The following MORC3 variants were observed in gnomAD, a reference collection of about 807,000 sequenced individuals.
MORC3 encodes MORC family CW-type zinc finger 3.
MORC3 carries 31 observed loss-of-function variants against 109.1 expected under a neutral mutation model. The ratio of observed to expected loss-of-function variants is 0.28; its 90% CI spans 0.21 to 0.38. The LOEUF is 0.38. Ranked by LOEUF, MORC3 falls within the 10% of genes least tolerant of loss-of-function variation. The probability of loss-of-function intolerance (pLI) is 1.00; values close to 1 mark genes in which losing one functional copy is unlikely to be tolerated. For synonymous variants in MORC3, 395 were observed against 380.7 expected (o/e 1.04, Z -0.44); for missense variants, 867 against 1,135.8 (o/e 0.76, Z 3.40).
intron 1 of MORC3, 142 bp from the exon 2 acceptor site, chr21:36,333,504 A>G: frequency 7.7e-6 from 5 of 650,986 alleles, no homozygotes; most frequent in Non-Finnish European, 1.1e-5. Context: ...TCTAGATTGT[A>G]TCTTCCAGAT....
At chr21:36,363,947 T>C (rs2085748398) in intron 13 of MORC3, 146 bp from the exon 14 acceptor site, 3 of 824,594 alleles carry the variant, frequency 3.6e-6, no homozygotes, top group Admixed American at 6.4e-5. Context: ...TACTTGTTGA[T>C]TCCTGGTATA....
chr21:36,362,025 G>T, intron 12 of MORC3, 158 bp from the exon 13 acceptor site: 2 of 787,802 alleles, frequency 2.5e-6, no homozygotes, highest in Non-Finnish European at 4.2e-6. Flanking sequence ...GGGTGCTACT[G>T]AGATAAAAGG....
At chr21:36,365,367 G>A (rs1486551507) in intron 14 of MORC3, among the ~76,000 whole-genome samples, 1 of 152,170 alleles carries the variant, frequency 6.6e-6, no homozygotes, top group African/African-American at 2.4e-5. Flanking sequence ...GTCTACAAAC[G>A]AGTGGATCAC....
chr21:36,322,717 C>T (rs2085207167), intron 1 of MORC3, among the ~76,000 whole-genome samples: 1 of 152,116 alleles, frequency 6.6e-6, no homozygotes, highest in African/African-American at 2.4e-5. Flanking sequence ...TCGGAGATCC[C>T]AGGATGAAAT....
chr21:36,336,613 G>A (rs562920868), intron 2 of MORC3, among the ~76,000 whole-genome samples: 35 of 152,260 alleles, frequency 2.3e-4, no homozygotes, highest in African/African-American at 8.2e-4. Context: ...GGTGTGCTGG[G>A]TACCAGTCTT....
chr21:36,348,857 A>C (rs1266020101), intron 8 of MORC3, among the ~76,000 whole-genome samples: 1 of 152,036 alleles, frequency 6.6e-6, no homozygotes, highest in Non-Finnish European at 1.5e-5. Flanking sequence ...TGTTTTTTTC[A>C]GTCTAAATTT....
At chr21:36,341,332 A>G in intron 5 of MORC3, 67 bp from the exon 6 acceptor site, 3 of 1,424,972 alleles carry the variant, frequency 2.1e-6, no homozygotes, top group South Asian at 1.3e-5. Flanking sequence ...TTAATGACTT[A>G]CAGTGTTTGC....
At chr21:36,332,764 G>C (rs2085330380) in intron 1 of MORC3, among the ~76,000 whole-genome samples, 1 of 145,902 alleles carries the variant, frequency 6.9e-6, no homozygotes, top group African/African-American at 2.5e-5. Flanking sequence ...GCCAAGTTTA[G>C]TTTAGTTTAA....
chr21:36,369,224 G>A lies in MORC3; in HGVS notation c.1856G>A (p.Cys619Tyr). 1 of 1,614,170 alleles carries A rather than the reference G, an allele frequency of 6.2e-7. No individual in the cohort carries two copies. The highest frequency in any genetic ancestry group is 8.5e-7 in the Non-Finnish European group (1 of 1,180,036). Residue 619 changes from cysteine to tyrosine, a missense_variant, in exon 15 of 17, where the codon TGT (cysteine) becomes TAT (tyrosine). Cys to Tyr is a radical substitution (Grantham distance 194, BLOSUM62 -2). Transcript: ENST00000400485. ...QVEFVGDSEP[C>Y]GQTGSTSTSS... ...GAGTTTGTGGGTGACAGTGAACCTTGTGGCCAGACTGGTTCAACAAGCACC... is the reference window on the plus strand; with the variant it reads ...GAGTTTGTGGGTGACAGTGAACCTTATGGCCAGACTGGTTCAACAAGCACC...
chr21:36,345,076 A>T, intron 8 of MORC3, 45 bp downstream of exon 8: 1 of 1,536,328 alleles, frequency 6.5e-7, no homozygotes. Context: ...TATTTTCCAC[A>T]AAAGTTAGGA....
intron 8 of MORC3, among the ~76,000 whole-genome samples, chr21:36,345,706 C>T (rs1290229322): frequency 6.6e-6 from 1 of 152,120 alleles, no homozygotes; most frequent in Non-Finnish European, 1.5e-5. Context: ...AAGCGTGTGC[C>T]ACCGCACTCG....
intron 1 of MORC3, among the ~76,000 whole-genome samples, chr21:36,320,841 C>G (rs1471509845): frequency 6.6e-6 from 1 of 152,226 alleles, no homozygotes; most frequent in Non-Finnish European, 1.5e-5. Flanking sequence ...GGCCCAGACC[C>G]TAGATCGCTG....
rs149626704 is a variant in MORC3 at position 36,326,780 on chromosome 21, T to C, written c.39+6477T>C. On this transcript the variant is annotated intron_variant, in intron 1 of 16. Transcript: ENST00000400485. ...TTCCTTGTTTGCTTAAGGTGAATAT[T>C]TTATTGTATGTCAGAAGACAACATT... Among the ~76,000 whole-genome samples the C allele has an allele frequency of 3.0e-3, 451 of 152,248 alleles. 3 individuals are homozygous for C. The highest frequency in any genetic ancestry group is 0.01 in the Middle Eastern group (3 of 294).
Position 36,341,401 on chromosome 21 carries a change from A to G in MORC3, c.611A>G (p.Tyr204Cys). 6.3e-7 allele frequency: 1 copy of G among 1,594,410 alleles called. No individual in the cohort carries two copies. The highest frequency in any genetic ancestry group is 2.2e-5 in the East Asian group (1 of 44,762). ...TRIIIWNLRS[Y>C]KNATEFDFEK... ...CTTTCTAAAAATTATTTTTACAGCT[A>G]CAAAAATGCAACAGAGTTCGATTTT... The change falls in exon 6 of 17, where the codon TAC (tyrosine) becomes TGC (cysteine). Residue 204 changes from tyrosine (Y) to cysteine (C), a missense_variant and splice_region_variant. By Grantham distance (194) the Tyr-to-Cys change is radical. This residue lies in a region of MORC3 where 134 missense variants were observed against 166.6 expected (regional missense o/e 0.80). Transcript: ENST00000400485.
chr21:36,356,556 C>T, intron 9 of MORC3, 64 bp from the exon 10 acceptor site: 4 of 1,050,544 alleles, frequency 3.8e-6, no homozygotes, highest in Non-Finnish European at 5.6e-6. Context: ...GTACTCATTA[C>T]TAGATTATTT....
At chr21:36,328,892 G>A (rs576889571) in intron 1 of MORC3, among the ~76,000 whole-genome samples, 2 of 136,662 alleles carry the variant, frequency 1.5e-5, no homozygotes, top group South Asian at 2.5e-4. Flanking sequence ...ATATACTAAC[G>A]ATAGCTGATG....
At chr21:36,352,872 G>A (rs984029232) in intron 9 of MORC3, among the ~76,000 whole-genome samples, 1 of 151,348 alleles carries the variant, frequency 6.6e-6, no homozygotes, top group African/African-American at 2.4e-5. Context: ...CAGGATGCTC[G>A]AGGCAGAATG....
At chr21:36,330,029 A>G (rs2085297105) in intron 1 of MORC3, among the ~76,000 whole-genome samples, 1 of 151,786 alleles carries the variant, frequency 6.6e-6, no homozygotes, top group Admixed American at 6.6e-5. Context: ...GGCCCAGCTA[A>G]TTTTGCATTT....
intron 1 of MORC3, among the ~76,000 whole-genome samples, chr21:36,321,548 CTT>C (rs746656195): frequency 2.0e-4 from 28 of 138,982 alleles, no homozygotes; most frequent in Admixed American, 3.6e-4. Context: ...TTCTTTTTTT[CTT>C]TTTTTTTTTT....
Sources: gnomAD v4.1 joint callset for allele counts (sites outside exome capture counted in the v4.1 genomes callset) on GRCh38, gnomAD v4.1.1 for gene constraint, gnomAD v4.1.1 regional missense constraint, MANE v1.5 for transcripts, NCBI Gene and HGNC (gene_info 2026-07-23, HGNC 2026-07-21) for gene names.